ZFHX2: variants seen among roughly 807,000 people sequenced by gnomAD.
The protein encoded by ZFHX2 is zinc finger homeobox 2.
A neutral mutation model predicts 164.8 loss-of-function variants in ZFHX2; 75 were observed. The observed-to-expected ratio is 0.46, with a 90% CI of 0.38 to 0.55. The LOEUF is 0.55. Ranked by LOEUF, ZFHX2 falls within the 20% of genes least tolerant of loss-of-function variation. The pLI, the probability that ZFHX2 is intolerant of heterozygous loss-of-function variation, is 0.00. For synonymous variants in ZFHX2, 1,217 were observed against 1,351.4 expected (o/e 0.90, Z 2.18); for missense variants, 2,933 against 3,308.0 (o/e 0.89, Z 2.78).
upstream of ZFHX2, among the ~76,000 whole-genome samples, chr14:23,554,010 G>C (rs111239494): frequency 2.3e-4 from 31 of 135,200 alleles, 1 homozygote; most frequent in African/African-American, 8.6e-4. Context: ...GTTGCAGTGA[G>C]CTGAGACGCC....
At chr14:23,554,032 C>T (rs1882161083), upstream of ZFHX2, among the ~76,000 whole-genome samples, 1 of 107,148 alleles carries the variant, frequency 9.3e-6, no homozygotes, top group African/African-American at 3.9e-5. Context: ...GAGTGAGACT[C>T]TGTCTCAAAA....
upstream of ZFHX2, among the ~76,000 whole-genome samples, chr14:23,554,886 T>A (rs537799753): frequency 6.6e-6 from 1 of 152,148 alleles, no homozygotes; most frequent in Non-Finnish European, 1.5e-5. Context: ...ATAGTTAGAG[T>A]CTCCAGATAA....
chr14:23,537,642 T>C (rs1880328427), intron 1 of ZFHX2, among the ~76,000 whole-genome samples: 1 of 151,728 alleles, frequency 6.6e-6, no homozygotes, highest in Non-Finnish European at 1.5e-5. Flanking sequence ...GTGGAAGGGA[T>C]GGGGAGGTCG....
At position 23,522,627 on chromosome 14, in the gene ZFHX2, G is replaced by A. The variant is rs754646077; in HGVS notation, c.7054C>T (p.Pro2352Ser). 2.6e-6 allele frequency: 4 copies of A among 1,534,574 alleles called. 1 individual carries two copies. In the South Asian group the frequency reaches 3.6e-5, roughly 14 times the overall value. The stretch of plus-strand genomic sequence containing the variant: ...GCTGGCGGTGCTGTTCCCCCAGCAG[G>A]GGGCAATGGAAAGGGCAGGAACTGG... ...GGQFLPFPLP[P>S]AGGTAPPAVF... is the part of the protein sequence containing the mutation. Residue 2352 changes from proline (P) to serine (S), a missense_variant, in exon 10 of 10, where the codon CCT (proline) becomes TCT (serine). Transcript: ENST00000419474.
In ZFHX2 at chr14:23,551,057, C is replaced by T. The variant is rs1595200834; in HGVS notation, c.-50+286G>A. Among the ~76,000 whole-genome samples, 1 of 152,014 alleles carries T rather than the reference C, an allele frequency of 6.6e-6. No homozygotes were observed. The highest frequency in any genetic ancestry group is 2.4e-5 in the African/African-American group (1 of 41,356). On this transcript the variant is annotated intron_variant, in intron 1 of 9. Transcript: ENST00000419474. This position sits in a 1 kb window ranked among gnomAD's most constrained non-coding sequence, Gnocchi z 5.3. ...TCTGTCCGGCGGGCCTCTGCCTTTC[C>T]CGTTCCCGTTTCTCCCTCCACCCCC...
In ZFHX2 at chr14:23,534,264, G is replaced by A. The variant is rs1426156159; in HGVS notation, c.1062C>T (p.Asp354=). ...SPPSPPTATW[D]PSPTQAKESP... is the part of the protein sequence containing the mutation. Reference sequence around the variant, plus strand: ...ATTCTTTGGCTTGGGTTGGGCTGGGGTCCCAGGTGGCTGTGGGTGGAGAGG... The same window carrying A: ...ATTCTTTGGCTTGGGTTGGGCTGGGATCCCAGGTGGCTGTGGGTGGAGAGG... Residue 354 remains aspartate, a synonymous_variant, in exon 2 of 10, where the codon GAC becomes GAT. Coordinates refer to ENST00000419474, the MANE Select transcript of ZFHX2 (RefSeq NM_033400.3). The surrounding 1 kb of genome is among the most constrained non-coding windows in gnomAD (Gnocchi z 4.5). 1 of 1,530,208 alleles carries A rather than the reference G, an allele frequency of 6.5e-7. No individual in the cohort carries two copies. 94.8% of individuals were successfully genotyped at this position (1,530,208 alleles called of 1,614,324 possible).
Position 23,551,194 on chromosome 14 carries a change from C to A in ZFHX2, c.-50+149G>T, listed in dbSNP as rs1053022384. 6.5e-6 allele frequency: 1 copy of A among 152,748 alleles called. No homozygotes were observed. The highest frequency in any genetic ancestry group is 2.4e-5 in the African/African-American group (1 of 41,400). 9.5% of individuals were successfully genotyped at this position (152,748 alleles called of 1,614,324 possible). Reference sequence around the variant, plus strand: ...GTCCGTCCTTGTCCCCTCCCCCAGCCCCTTCCCGTCCCTCTCCGTCCCCTC... The same window carrying A: ...GTCCGTCCTTGTCCCCTCCCCCAGCACCTTCCCGTCCCTCTCCGTCCCCTC... On this transcript the variant is annotated intron_variant, in intron 1 of 9. Coordinates refer to ENST00000419474, the MANE Select transcript of ZFHX2 (RefSeq NM_033400.3). This position sits in a 1 kb window ranked among gnomAD's most constrained non-coding sequence, Gnocchi z 5.3.
Position 23,527,671 on chromosome 14 carries a change from G to C in ZFHX2, c.3068C>G (p.Ala1023Gly). The change falls in exon 7 of 10, where the codon GCC (alanine) becomes GGC (glycine). Residue 1023 changes from alanine (A) to glycine (G), a missense_variant. Ala to Gly is a moderately conservative substitution (Grantham distance 60, BLOSUM62 0). Coordinates refer to ENST00000419474, the MANE Select transcript of ZFHX2 (RefSeq NM_033400.3). Reference protein sequence around the residue: ...LCQEQLVGRPALHFHLSHLHN... With the variant: ...LCQEQLVGRPGLHFHLSHLHN... Reference sequence around the variant, plus strand: ...AAGGTGGCTAAGGTGGAAGTGCAGGGCAGGCCGGCCCACCAGCTGTTCCTG... The same window carrying C: ...AAGGTGGCTAAGGTGGAAGTGCAGGCCAGGCCGGCCCACCAGCTGTTCCTG... 2 of 1,536,340 alleles carry C rather than the reference G, an allele frequency of 1.3e-6. No individual in the cohort carries two copies. Among genetic ancestry groups the C allele is most frequent in the Non-Finnish European group, 1.7e-6 (2 of 1,146,954 alleles).
chr14:23,541,583 G>C (rs576572121), intron 1 of ZFHX2, among the ~76,000 whole-genome samples: 36 of 152,078 alleles, frequency 2.4e-4, no homozygotes, highest in Non-Finnish European at 4.0e-4. Flanking sequence ...CACCACACCC[G>C]GCCAGGATTT....
rs899159163 is a variant in ZFHX2, at chr14:23,535,351, C to T, written c.-26G>A. ...GGTAGACGGAGGAGTGCTGGGGGCT[C>T]ATGTCAGCGTGACAGCCAGTACCCT... On this transcript the variant is annotated 5_prime_UTR_variant, in exon 2 of 10. An upstream start codon of the reference 5' UTR is lost. Coordinates refer to ENST00000419474, the MANE Select transcript of ZFHX2 (RefSeq NM_033400.3). This position sits in a 1 kb window ranked among gnomAD's most constrained non-coding sequence, Gnocchi z 4.5. 7 of 1,441,102 alleles carry T rather than the reference C, an allele frequency of 4.9e-6. No homozygotes were observed. In the South Asian group the frequency reaches 8.7e-5, roughly 18 times the overall value. The allele number at this position is 1,441,102 out of a possible 1,614,324, so 89.3% of individuals were successfully genotyped here.
chr14:23,522,203 C>A lies in ZFHX2; in HGVS notation c.7478G>T (p.Cys2493Phe). Residue 2493 changes from cysteine to phenylalanine, a missense_variant, in exon 10 of 10, where the codon TGC becomes TTC. By Grantham distance (205) the Cys-to-Phe change is radical (BLOSUM62 -2). Coordinates refer to ENST00000419474, the MANE Select transcript of ZFHX2 (RefSeq NM_033400.3). ...CTCACATGCCAGGCAGTGGTAGGTG[C>A]AGATGGGCACCCGCAATGGGGGTGG... The part of the protein sequence containing the change: ...SMPPPLRVPI[C>F]TYHCLACEVL... 6.7e-7 allele frequency: 1 copy of A among 1,482,370 alleles called. No individual in the cohort carries two copies. Among genetic ancestry groups the A allele is most frequent in the Non-Finnish European group, 8.9e-7 (1 of 1,119,216 alleles). The allele number at this position is 1,482,370 out of a possible 1,614,324, so 91.8% of individuals were successfully genotyped here.
chr14:23,532,066 G>C (rs113126188), intron 3 of ZFHX2: 1 of 185,708 alleles, frequency 5.4e-6, no homozygotes, highest in Non-Finnish European at 1.1e-5. Flanking sequence ...GTGAGCCACC[G>C]CACCTAGCCT....
At chr14:23,539,372 T>A (rs576344974) in intron 1 of ZFHX2, among the ~76,000 whole-genome samples, 1 of 152,296 alleles carries the variant, frequency 6.6e-6, no homozygotes, top group South Asian at 2.1e-4. Context: ...CTGCAAATGT[T>A]CTTCCATGGA....
chr14:23,532,973 A>G lies in ZFHX2; in HGVS notation c.2153T>C (p.Val718Ala), dbSNP rs1223787882. ...PPPDDSLSLK[V>A]FRCLVCQAFS... ...GGCCTGGCACACTAGGCAGCGGAAC[A>G]CCTTCAGGGACAGGCTGTCGTCTGG... is the stretch of plus-strand genomic sequence containing the variant. Residue 718 changes from valine to alanine, a missense_variant, in exon 3 of 10, where the codon GTG (valine) becomes GCG (alanine). Physicochemically the swap from Val to Ala is moderately conservative, Grantham distance 64 (BLOSUM62 0). Coordinates refer to ENST00000419474, the MANE Select transcript of ZFHX2 (RefSeq NM_033400.3). 1.3e-6 allele frequency: 2 copies of G among 1,536,154 alleles called. No homozygotes were observed. Among genetic ancestry groups the G allele is most frequent in the South Asian group, 1.2e-5 (1 of 84,054 alleles).
chr14:23,537,091 GA>G (rs954080276), intron 1 of ZFHX2, among the ~76,000 whole-genome samples: 2 of 149,274 alleles, frequency 1.3e-5, no homozygotes, highest in Non-Finnish European at 3.0e-5. Context: ...AGTGAGCCGG[GA>G]CTGCACCATC....
In ZFHX2 at chr14:23,524,689, C is replaced by G; in HGVS notation, c.5253G>C (p.Lys1751Asn). 3 of 1,536,274 alleles carry G rather than the reference C, an allele frequency of 2.0e-6. No individual in the cohort carries two copies. Among genetic ancestry groups the G allele is most frequent in the Non-Finnish European group, 2.6e-6 (3 of 1,146,914 alleles). The change falls in exon 9 of 10, where the codon AAG becomes AAC. Residue 1751 changes from lysine to asparagine, a missense_variant. Transcript: ENST00000419474. This position sits in a 1 kb window ranked among gnomAD's most constrained non-coding sequence, Gnocchi z 5.6. Reference protein sequence around the residue: ...GEELSQAEATKAGGKEPEEKA... With the variant: ...GEELSQAEATNAGGKEPEEKA... ...TCTCTTCAGGCTCTTTGCCTCCTGCCTTTGTTGCCTCTGCTTGGCTCAGCT... is the reference window on the plus strand; with the variant it reads ...TCTCTTCAGGCTCTTTGCCTCCTGCGTTTGTTGCCTCTGCTTGGCTCAGCT...
At chr14:23,544,559 G>T (rs900100506) in intron 1 of ZFHX2, among the ~76,000 whole-genome samples, 1 of 152,180 alleles carries the variant, frequency 6.6e-6, no homozygotes. Flanking sequence ...CCATGTACAC[G>T]TGTGTGGGCC....
intron 1 of ZFHX2, among the ~76,000 whole-genome samples, chr14:23,550,521 A>G (rs1881838993): frequency 6.6e-6 from 1 of 152,224 alleles, no homozygotes; most frequent in Admixed American, 6.5e-5. Context: ...ATACAGATCC[A>G]GAGATGGATG....
At chr14:23,554,536 C>A (rs1412703141), upstream of ZFHX2, among the ~76,000 whole-genome samples, 1 of 149,868 alleles carries the variant, frequency 6.7e-6, no homozygotes, top group Non-Finnish European at 1.5e-5. Flanking sequence ...ACTACCACAC[C>A]CGGCTAATTA....
Sources: allele counts gnomAD v4.1 joint callset (sites outside exome capture counted in the v4.1 genomes callset), GRCh38; gene constraint gnomAD v4.1.1; non-coding constraint Gnocchi (gnomAD v3.1); transcripts MANE v1.5; gene names NCBI Gene and HGNC (gene_info 2026-07-23, HGNC 2026-07-21).